Variants in CCT7 observed in about 807,000 individuals in gnomAD.
CCT7 encodes chaperonin containing TCP1 subunit 7, also known as T-complex protein 1 subunit eta.
In CCT7, 16 loss-of-function variants were observed where a neutral mutation model predicts 56.6. The ratio of observed to expected loss-of-function variants is 0.28; its 90% CI spans 0.19 to 0.43. The LOEUF (loss-of-function observed/expected upper bound fraction) is 0.43. Ranked by LOEUF, CCT7 falls within the 20% of genes least tolerant of loss-of-function variation. CCT7 has a pLI of 1.00. For synonymous variants in CCT7, 262 were observed against 254.8 expected (o/e 1.03, Z -0.27); for missense variants, 519 against 685.6 (o/e 0.76, Z 2.71).
chr2:73,240,900 CTTT>C (rs78602288), intron 3 of CCT7, among the ~76,000 whole-genome samples: 1 of 135,072 alleles, frequency 7.4e-6, no homozygotes. Flanking sequence ...GCCTTTCTTT[CTTT>C]TTTTTTTTTT....
chr2:73,244,277 C>T, intron 5 of CCT7: 1 of 612,468 alleles, frequency 1.6e-6, no homozygotes, highest in Non-Finnish European at 2.8e-6. Context: ...GTGCCTGGGG[C>T]TGTTTGGCTC....
rs555868560 is a variant in CCT7 at position 73,240,057 on chromosome 2, C to T, written c.160+261C>T. ...CATGAAATAGAACCATCTGGAGTTT[C>T]CTGTGTTCACTTCCATTGTTATCAA... On this transcript the variant is annotated intron_variant, in intron 2 of 11. Coordinates refer to ENST00000258091, the MANE Select transcript of CCT7 (RefSeq NM_006429.4). 5.1e-5 allele frequency: 21 copies of T among 407,962 alleles called. No individual in the cohort carries two copies. The Admixed American group carries it at 8.2e-4, about 16-fold the overall frequency. The allele number at this position is 407,962 out of a possible 1,614,324, so 25.3% of individuals were successfully genotyped here. A position where few individuals can be genotyped will look rare whatever the true frequency, so the allele number is the denominator to read the frequency against.
rs199839179 is a variant in CCT7 at position 73,247,575 on chromosome 2, AT to A, written c.619-184del. ...GGTGACTGAAATAATATGTTGTGTT[AT>A]TTAAAAAAAAAAAAAAGGATTTGTC... On this transcript the variant is annotated intron_variant, in intron 6 of 11. Coordinates refer to ENST00000258091, the MANE Select transcript of CCT7 (RefSeq NM_006429.4). 8.1e-4 allele frequency among the ~76,000 whole-genome samples: 119 copies of A among 147,338 alleles called. 1 individual carries two copies. Among genetic ancestry groups the A allele is most frequent in the East Asian group, 1.6e-3 (8 of 5,096 alleles).
chr2:73,244,082 T>TTA, intron 5 of CCT7, 33 bp downstream of exon 5: 1 of 1,449,620 alleles, frequency 6.9e-7, no homozygotes, highest in African/African-American at 1.5e-5. Flanking sequence ...TTTTTTTTTT[T>TTA]AAAGAGACGG....
At position 73,239,799 on chromosome 2, in the gene CCT7, A is replaced by G. The variant is rs376427104; in HGVS notation, c.160+3A>G. 2.7e-5 allele frequency: 44 copies of G among 1,613,776 alleles called. No individual in the cohort carries two copies. The African/African-American group carries it at 4.4e-4, about 16-fold the overall frequency. On this transcript the variant is annotated splice_donor_region_variant and intron_variant, in intron 2 of 11. Coordinates refer to ENST00000258091, the MANE Select transcript of CCT7 (RefSeq NM_006429.4). ...CAAGCTTATTGTAGATGGCAGAGGT[A>G]AGTCTACAGAGTTCCTCAGGCCTGT...
chr2:73,244,615 C>T lies in CCT7; in HGVS notation c.518C>T (p.Ala173Val). The change falls in exon 6 of 12, where the codon GCT (alanine) becomes GTT (valine). Residue 173 changes from alanine (A) to valine (V), a missense_variant. Ala to Val is a moderately conservative substitution (Grantham distance 64). Coordinates refer to ENST00000258091, the MANE Select transcript of CCT7 (RefSeq NM_006429.4). ...TCCAAGCTGATCTCCCAGCAGAAAG[C>T]TTTCTTTGCTAAGATGGTGGTGGAT... Reference protein sequence around the residue: ...LSSKLISQQKAFFAKMVVDAV... With the variant: ...LSSKLISQQKVFFAKMVVDAV... The T allele has an allele frequency of 6.2e-7, 1 of 1,613,848 alleles. No homozygotes were observed. The highest frequency in any genetic ancestry group is 8.5e-7 in the Non-Finnish European group (1 of 1,179,812).
intron 1 of CCT7, chr2:73,235,422 T>C: frequency 3.3e-6 from 1 of 304,676 alleles, no homozygotes; most frequent in Non-Finnish European, 5.0e-6. Flanking sequence ...CCTGCAGCTT[T>C]TCTCTGTCCT....
At chr2:73,244,842 A>C (rs898871972) in intron 6 of CCT7, 127 bp downstream of exon 6, 5 of 647,220 alleles carry the variant, frequency 7.7e-6, no homozygotes, top group Non-Finnish European at 1.2e-5. Flanking sequence ...AGTCAGACTT[A>C]CATTGTACTT....
chr2:73,251,340 A>C lies in CCT7; in HGVS notation c.1318A>C (p.Lys440Gln). 1 of 1,614,192 alleles carries C rather than the reference A, an allele frequency of 6.2e-7. No homozygotes were observed. The highest frequency in any genetic ancestry group is 8.5e-7 in the Non-Finnish European group (1 of 1,180,008). Residue 440 changes from lysine to glutamine, a missense_variant, in exon 11 of 12, where the codon AAG (lysine) becomes CAG (glutamine). Transcript: ENST00000258091. ...GCAGCTGTTGATTGGGGCATATGCC[A>C]AGGCCTTGGAGATTATCCCACGCCA... is the stretch of plus-strand genomic sequence containing the variant. ...KQQLLIGAYA[K>Q]ALEIIPRQLC... is the part of the protein sequence containing the mutation.
chr2:73,251,035 A>G (rs1687553123), intron 10 of CCT7, among the ~76,000 whole-genome samples, 191 bp from the exon 11 acceptor site: 1 of 152,138 alleles, frequency 6.6e-6, no homozygotes, highest in Non-Finnish European at 1.5e-5. Flanking sequence ...GAAAATAGTC[A>G]GAAACCATAA....
chr2:73,250,404 A>T lies in CCT7; in HGVS notation c.1169A>T (p.His390Leu), dbSNP rs1282168670. The change falls in exon 10 of 12, where the codon CAT (histidine) becomes CTT (leucine). Residue 390 changes from histidine to leucine, a missense_variant. Physicochemically the swap from His to Leu is moderately conservative, Grantham distance 99. Coordinates refer to ENST00000258091, the MANE Select transcript of CCT7 (RefSeq NM_006429.4). ...ATGGAGGAGACAGAGCGGTCCCTGC[A>T]TGATGCCATCATGATCGTCAGGAGG... ...QFMEETERSL[H>L]DAIMIVRRAI... is the part of the protein sequence containing the mutation. The T allele has an allele frequency of 6.2e-7, 1 of 1,614,032 alleles. No individual in the cohort carries two copies. The highest frequency in any genetic ancestry group is 1.3e-5 in the African/African-American group (1 of 74,914).
intron 11 of CCT7, 151 bp from the exon 12 acceptor site, chr2:73,252,489 A>T: frequency 1.6e-6 from 1 of 640,010 alleles, no homozygotes. Flanking sequence ...GGTTCCTGGC[A>T]TGCTCATAGG....
At chr2:73,250,255 G>A (rs1419722018) in intron 9 of CCT7, 51 bp from the exon 10 acceptor site, 5 of 1,608,254 alleles carry the variant, frequency 3.1e-6, no homozygotes, top group African/African-American at 1.3e-5. Flanking sequence ...CAATACAGTA[G>A]GATGGTGGCA....
chr2:73,234,940 C>T (rs1273420387), intron 1 of CCT7, among the ~76,000 whole-genome samples: 1 of 152,174 alleles, frequency 6.6e-6, no homozygotes, highest in Non-Finnish European at 1.5e-5. Context: ...CTCATTCGCT[C>T]AGTCATTAAA....
intron 4 of CCT7, 133 bp from the exon 5 acceptor site, chr2:73,243,864 G>A: frequency 1.3e-6 from 1 of 751,202 alleles, no homozygotes; most frequent in Non-Finnish European, 2.3e-6. Context: ...AGACCTAGAA[G>A]TGTTTTTTCA....
intron 9 of CCT7, among the ~76,000 whole-genome samples, 176 bp from the exon 10 acceptor site, chr2:73,250,130 C>A (rs1687510537): frequency 1.3e-5 from 2 of 152,126 alleles, no homozygotes; most frequent in Admixed American, 6.5e-5. Context: ...TCTTTTATGC[C>A]CTAGTGGTAC....
intron 1 of CCT7, among the ~76,000 whole-genome samples, chr2:73,237,898 A>T (rs12465781): frequency 1.3e-5 from 2 of 152,218 alleles, no homozygotes; most frequent in South Asian, 2.1e-4. Context: ...ATACAAATTT[A>T]AAAAATTAGC....
intron 3 of CCT7, 143 bp downstream of exon 3, chr2:73,240,686 C>A: frequency 2.2e-6 from 1 of 457,352 alleles, no homozygotes; most frequent in Middle Eastern, 5.7e-4. Flanking sequence ...TTAGAATTAA[C>A]AGCCTTTTAA....
intron 3 of CCT7, among the ~76,000 whole-genome samples, chr2:73,242,433 TC>T (rs903609843): frequency 2.6e-5 from 4 of 152,090 alleles, no homozygotes; most frequent in Admixed American, 1.3e-4. Context: ...GCGCCCGCCA[TC>T]ACGCCCAGCT....
Sources: gnomAD v4.1 joint callset for allele counts (sites outside exome capture counted in the v4.1 genomes callset) on GRCh38, gnomAD v4.1.1 for gene constraint, MANE v1.5 for transcripts, NCBI Gene and HGNC (gene_info 2026-07-23, HGNC 2026-07-21) for gene names.